The following CMKLR2 variants were observed in gnomAD, a reference collection of about 807,000 sequenced individuals.
The protein encoded by CMKLR2 is chemerin chemokine-like receptor 2.
Under a neutral mutation model 23.0 loss-of-function variants are expected in CMKLR2, and 18 were observed. The observed-to-expected ratio is 0.78, with a 90% CI of 0.54 to 1.16. The LOEUF is 1.16. CMKLR2 is among the 50% of genes most tolerant of loss of function. The pLI is 0.00. For missense variants in CMKLR2, 401 were observed against 412.7 expected (o/e 0.97, Z 0.25); for synonymous variants, 158 against 158.9 (o/e 0.99, Z 0.05).
Position 206,175,409 on chromosome 2 carries a change from T to C in CMKLR2, c.*771A>G, listed in dbSNP as rs1256449212. On this transcript the variant is annotated 3_prime_UTR_variant, in exon 2 of 2. Transcript: ENST00000621141. ...ACACATGTTGCATTTTAAAAATGTG[T>C]CTAGCAGGTTATTGTACAAAATTAA... 1 of 152,266 alleles carries C rather than the reference T, an allele frequency of 6.6e-6. No homozygotes were observed. Among genetic ancestry groups the C allele is most frequent in the Non-Finnish European group, 1.5e-5 (1 of 68,048 alleles). The allele number at this position is 152,266 out of a possible 1,614,324, so 9.4% of individuals were successfully genotyped here. A position where few individuals can be genotyped will look rare whatever the true frequency, so the allele number is the denominator to read the frequency against.
chr2:206,206,745 A>G (rs1689332543), intron 1 of CMKLR2, among the ~76,000 whole-genome samples: 1 of 152,168 alleles, frequency 6.6e-6, no homozygotes, highest in Admixed American at 6.6e-5. Context: ...GTAGGGCTCA[A>G]TAGTATTTAT....
At chr2:206,202,358 C>T (rs1380148035) in intron 1 of CMKLR2, among the ~76,000 whole-genome samples, 1 of 152,014 alleles carries the variant, frequency 6.6e-6, no homozygotes, top group Admixed American at 6.6e-5. Context: ...AGAGAGAAGA[C>T]GGTATGAAAT....
rs1443713571 is a variant in CMKLR2 at position 206,177,046 on chromosome 2, T to C, written c.202A>G (p.Lys68Glu). 1.9e-6 allele frequency: 3 copies of C among 1,614,018 alleles called. No homozygotes were observed. Among genetic ancestry groups the C allele is most frequent in the Non-Finnish European group, 2.5e-6 (3 of 1,180,028 alleles). Residue 68 changes from lysine to glutamate, a missense_variant, in exon 2 of 2, where the codon AAG becomes GAG. Lys to Glu is a moderately conservative substitution (Grantham distance 56). Coordinates refer to ENST00000621141, the MANE Select transcript of CMKLR2 (RefSeq NM_001389445.1). ...IVIWFTGFKW[K>E]KTVTTLWFLN... Reference sequence around the variant, plus strand: ...AACCACAGAGTGGTGACTGTCTTCTTCCACTTGAACCCCGTGAACCAAATG... The same window carrying C: ...AACCACAGAGTGGTGACTGTCTTCTCCCACTTGAACCCCGTGAACCAAATG...
At chr2:206,214,847 G>T (rs1689701494), upstream of CMKLR2, among the ~76,000 whole-genome samples, 2 of 151,572 alleles carry the variant, frequency 1.3e-5, no homozygotes, top group Admixed American at 1.3e-4. Flanking sequence ...GGATGGTCTC[G>T]ATCTCCTGAC....
At chr2:206,186,498 C>T (rs991951115) in intron 1 of CMKLR2, among the ~76,000 whole-genome samples, 25 of 152,144 alleles carry the variant, frequency 1.6e-4, no homozygotes, top group African/African-American at 6.0e-4. Context: ...TGGTGGAGCC[C>T]TGGCAGTGCT....
intron 1 of CMKLR2, among the ~76,000 whole-genome samples, chr2:206,209,971 T>G (rs1180881576): frequency 1.3e-5 from 2 of 149,398 alleles, no homozygotes; most frequent in Non-Finnish European, 3.0e-5. Flanking sequence ...TCTTTCTTTT[T>G]TTTTTTTTCA....
intron 1 of CMKLR2, among the ~76,000 whole-genome samples, chr2:206,197,714 A>G (rs1435591729): frequency 6.6e-6 from 1 of 152,074 alleles, no homozygotes; most frequent in Non-Finnish European, 1.5e-5. Flanking sequence ...TTTTTTGTAG[A>G]GATGGTGTCT....
Position 206,176,244 on chromosome 2 carries a change from G to C in CMKLR2, c.1004C>G (p.Thr335Arg), listed in dbSNP as rs749580664. The change falls in exon 2 of 2, where the codon ACA becomes AGA. Residue 335 changes from threonine (T) to arginine (R), a missense_variant. By Grantham distance (71) the Thr-to-Arg change is moderately conservative. Transcript: ENST00000621141. ...YTLWEVSCSG[T>R]VSEQLRNSET... ...TGAGTTCCTGAGCTGTTCACTCACTGTGCCAGAACAGCTGACTTCCCACAG... is the reference window on the plus strand; with the variant it reads ...TGAGTTCCTGAGCTGTTCACTCACTCTGCCAGAACAGCTGACTTCCCACAG... The C allele has an allele frequency of 1.1e-5, 17 of 1,614,214 alleles. No homozygotes were observed. Among genetic ancestry groups the C allele is most frequent in the Middle Eastern group, 1.6e-4 (1 of 6,062 alleles).
intron 1 of CMKLR2, among the ~76,000 whole-genome samples, chr2:206,191,223 T>C (rs1046701380): frequency 6.6e-6 from 1 of 152,148 alleles, no homozygotes; most frequent in African/African-American, 2.4e-5. Flanking sequence ...ATGGGAATAG[T>C]AATAGCACCT....
chr2:206,183,659 G>A (rs919442960), intron 1 of CMKLR2, among the ~76,000 whole-genome samples: 33 of 152,184 alleles, frequency 2.2e-4, no homozygotes, highest in African/African-American at 7.7e-4. Context: ...GGAAATAGGA[G>A]CTTAGGAATT....
intron 1 of CMKLR2, among the ~76,000 whole-genome samples, chr2:206,179,265 G>A (rs139927424): frequency 0.026 from 3,915 of 150,296 alleles, 168 homozygotes; most frequent in African/African-American, 0.091. Flanking sequence ...AGTAGAGACA[G>A]GGTTTCTCCA....
At position 206,189,496 on chromosome 2, in the gene CMKLR2, G is replaced by T. The variant is rs568555892; in HGVS notation, c.-28-12221C>A. On this transcript the variant is annotated intron_variant, in intron 1 of 1. Coordinates refer to ENST00000621141, the MANE Select transcript of CMKLR2 (RefSeq NM_001389445.1). ...CTAAAAATAGAAAAATTAGGTGGGT[G>T]TGGTTGTGCGTGCCTGTAGTCCCAG... 7.2e-5 allele frequency among the ~76,000 whole-genome samples: 11 copies of T among 152,116 alleles called. No homozygotes were observed. In the East Asian group the frequency reaches 2.1e-3, roughly 29 times the overall value.
intron 1 of CMKLR2, among the ~76,000 whole-genome samples, chr2:206,210,615 C>T (rs1425284095): frequency 9.2e-5 from 14 of 152,150 alleles, no homozygotes; most frequent in Non-Finnish European, 1.8e-4. Flanking sequence ...TGTGCCACCA[C>T]ACTGGGCTAA....
chr2:206,178,726 G>C (rs536955406), intron 1 of CMKLR2, among the ~76,000 whole-genome samples: 1 of 152,058 alleles, frequency 6.6e-6, no homozygotes, highest in Non-Finnish European at 1.5e-5. Context: ...TCGGCTCACT[G>C]TAGCCTTTGC....
At position 206,202,670 on chromosome 2, in the gene CMKLR2, G is replaced by A. The variant is rs541328888; in HGVS notation, c.-29+10637C>T. Among the ~76,000 whole-genome samples, 721 of 151,854 alleles carry A rather than the reference G, an allele frequency of 4.7e-3. 3 individuals carry two copies. The highest frequency in any genetic ancestry group is 7.6e-3 in the Admixed American group (116 of 15,266). On this transcript the variant is annotated intron_variant, in intron 1 of 1. Transcript: ENST00000621141. ...GGCGTCATAGCTATTCGCCCAGGGC[G>A]CCCGCCTCATTCGGGTGGGGATGGG...
chr2:206,209,353 G>T (rs1002385895), intron 1 of CMKLR2, among the ~76,000 whole-genome samples: 3 of 149,530 alleles, frequency 2.0e-5, no homozygotes, highest in Non-Finnish European at 4.5e-5. Context: ...AAAAAAAAAA[G>T]CACTTTTTTG....
chr2:206,184,343 C>T (rs891586402), intron 1 of CMKLR2, among the ~76,000 whole-genome samples: 1 of 149,184 alleles, frequency 6.7e-6, no homozygotes, highest in Non-Finnish European at 1.5e-5. Context: ...GTTGCCTAGG[C>T]TTGAGTGCAG....
intron 1 of CMKLR2, among the ~76,000 whole-genome samples, chr2:206,202,927 A>G (rs1689154375): frequency 6.7e-6 from 1 of 149,938 alleles, no homozygotes; most frequent in South Asian, 2.1e-4. Context: ...CTCACCTTCC[A>G]CCCTAGTTCT....
At chr2:206,181,393 A>G (rs767918544) in intron 1 of CMKLR2, among the ~76,000 whole-genome samples, 1 of 150,218 alleles carries the variant, frequency 6.7e-6, no homozygotes, top group Non-Finnish European at 1.5e-5. Flanking sequence ...GAGTATCACT[A>G]TGTTGCCCAG....
Sources: allele counts gnomAD v4.1 joint callset (sites outside exome capture counted in the v4.1 genomes callset), GRCh38; gene constraint gnomAD v4.1.1; transcripts MANE v1.5; gene names NCBI Gene and HGNC (gene_info 2026-07-23, HGNC 2026-07-21).